HNRNPK: variants seen among roughly 807,000 people sequenced by gnomAD.
The protein encoded by HNRNPK is dC-stretch binding protein.
A neutral mutation model predicts 67.0 loss-of-function variants in HNRNPK; 7 were observed. The observed-to-expected ratio is 0.10, with a 90% confidence interval of 0.06 to 0.20. The LOEUF (loss-of-function observed/expected upper bound fraction) is 0.20, where lower values mean the gene tolerates loss of function less well. Among genes scored for constraint, HNRNPK ranks in the 10% least tolerant of loss-of-function variants. HNRNPK has a pLI of 1.00. For missense variants in HNRNPK, 264 were observed against 606.5 expected (o/e 0.44, Z 5.93); for synonymous variants, 213 against 193.7 (o/e 1.10, Z -0.83).
In HNRNPK at chr9:83,977,674, G is replaced by A; in HGVS notation, c.156+15C>T. ...GTATGAACCACCTTCAAATTTTCAA[G>A]AATAAAATTTATACCTTGCTCTGAA... is the stretch of plus-strand genomic sequence containing the variant. On this transcript the variant is annotated intron_variant, in intron 4 of 16. Coordinates refer to ENST00000376263, the MANE Select transcript of HNRNPK (RefSeq NM_031263.4). 6.6e-7 allele frequency: 1 copy of A among 1,516,442 alleles called. No individual in the cohort carries two copies. Among genetic ancestry groups the A allele is most frequent in the Non-Finnish European group, 9.1e-7 (1 of 1,100,780 alleles). The allele number at this position is 1,516,442 out of a possible 1,614,324, so 93.9% of individuals were successfully genotyped here.
intron 5 of HNRNPK, 177 bp downstream of exon 5, chr9:83,976,818 T>C: frequency 2.2e-6 from 1 of 449,460 alleles, no homozygotes; most frequent in East Asian, 3.4e-5. Flanking sequence ...CCCTGCTCAA[T>C]CTGGGCTTTT....
At chr9:83,975,567 G>T in intron 5 of HNRNPK, 62 bp from the exon 6 acceptor site, 1 of 1,348,394 alleles carries the variant, frequency 7.4e-7, no homozygotes, top group Non-Finnish European at 1.1e-6. Context: ...ATCAGAAGTT[G>T]TCAAGTATGG....
chr9:83,973,880 G>T, intron 8 of HNRNPK, 22 bp downstream of exon 8: 7 of 1,589,420 alleles, frequency 4.4e-6, no homozygotes, highest in Non-Finnish European at 6.0e-6. Flanking sequence ...CTTCAGTGGG[G>T]TTCAATGGCA....
intron 9 of HNRNPK, 22 bp downstream of exon 9, chr9:83,973,264 G>C: frequency 1.5e-6 from 2 of 1,297,496 alleles, no homozygotes; most frequent in South Asian, 2.4e-5. Flanking sequence ...CAAAGAATAC[G>C]GCAGAATTTT....
chr9:83,968,328 AG>A lies in HNRNPK; in HGVS notation c.*1078del, dbSNP rs1223571664. On this transcript the variant is annotated 3_prime_UTR_variant, in exon 17 of 17. Transcript: ENST00000376263. ...TTTCCTACATAATCCAACATACAAC[AG>A]AGAAATGGTACATCTTTTTCTTTCA... 9 of 152,416 alleles carry A rather than the reference AG, an allele frequency of 5.9e-5. No individual in the cohort carries two copies. Among genetic ancestry groups the A allele is most frequent in the Non-Finnish European group, 1.5e-5 (1 of 68,008 alleles). The allele number at this position is 152,416 out of a possible 1,614,324, so 9.4% of individuals were successfully genotyped here.
intron 16 of HNRNPK, 101 bp downstream of exon 16, chr9:83,970,061 T>G: frequency 2.1e-6 from 2 of 940,270 alleles, no homozygotes; most frequent in Non-Finnish European, 3.2e-6. Flanking sequence ...CCCAAAAGGT[T>G]GAGACACCAT....
At chr9:83,979,645 G>A (rs985823535) in intron 1 of HNRNPK, among the ~76,000 whole-genome samples, 1 of 152,164 alleles carries the variant, frequency 6.6e-6, no homozygotes. Flanking sequence ...CCGCGTAATG[G>A]CGACTACGTG....
chr9:83,976,850 T>G (rs1484780672), intron 5 of HNRNPK, 145 bp downstream of exon 5: 2 of 538,378 alleles, frequency 3.7e-6, no homozygotes, highest in Non-Finnish European at 6.4e-6. Flanking sequence ...AATGGATAAC[T>G]TCGAAATCAA....
chr9:83,975,726 C>A (rs1348994078), intron 5 of HNRNPK: 5 of 599,360 alleles, frequency 8.3e-6, no homozygotes, highest in African/African-American at 1.9e-5. Flanking sequence ...GCCAAAAAAA[C>A]AAGGAGAGGG....
chr9:83,977,876 G>T, intron 3 of HNRNPK, 90 bp from the exon 4 acceptor site: 1 of 830,534 alleles, frequency 1.2e-6, no homozygotes, highest in Non-Finnish European at 2.0e-6. Flanking sequence ...CTAATCTTAG[G>T]CATGTTTTGA....
intron 7 of HNRNPK, 83 bp from the exon 8 acceptor site, chr9:83,974,056 A>T: frequency 1.3e-6 from 1 of 789,200 alleles, no homozygotes; most frequent in South Asian, 1.6e-5. Context: ...AGCTACTACA[A>T]CATATTTTAA....
chr9:83,970,604 AC>A (rs1588411658), intron 15 of HNRNPK, 132 bp downstream of exon 15: 1 of 703,960 alleles, frequency 1.4e-6, no homozygotes, highest in East Asian at 2.7e-5. Context: ...AACCCAGCTC[AC>A]TAAAGCCCAT....
At chr9:83,973,230 T>C in intron 9 of HNRNPK, 56 bp downstream of exon 9, 2 of 1,008,198 alleles carry the variant, frequency 2.0e-6, no homozygotes, top group South Asian at 2.6e-5. Context: ...CAGAAACAAG[T>C]CTATATGAAA....
chr9:83,972,113 A>G lies in HNRNPK; in HGVS notation c.722T>C (p.Met241Thr). 3 of 1,613,908 alleles carry G rather than the reference A, an allele frequency of 1.9e-6. No homozygotes were observed. The highest frequency in any genetic ancestry group is 2.5e-6 in the Non-Finnish European group (3 of 1,179,830). ...GCGTCCGCGACGGTCATCAAACATC[A>G]TTGTAAAACCACCATAATCATAGGT... ...DETYDYGGFT[M>T]MFDDRRGRPV... Residue 241 changes from methionine to threonine, a missense_variant, in exon 11 of 17, where the codon ATG becomes ACG. By Grantham distance (81) the Met-to-Thr change is moderately conservative (BLOSUM62 -1). Transcript: ENST00000376263.
chr9:83,979,512 C>T (rs1957257798), intron 1 of HNRNPK, among the ~76,000 whole-genome samples: 1 of 152,238 alleles, frequency 6.6e-6, no homozygotes, highest in African/African-American at 2.4e-5. Flanking sequence ...GCCAACGCGC[C>T]CTCCCCTCCC....
chr9:83,976,770 T>A lies in HNRNPK; in HGVS notation c.213+225A>T, dbSNP rs1564068100. On this transcript the variant is annotated intron_variant, in intron 5 of 16. Coordinates refer to ENST00000376263, the MANE Select transcript of HNRNPK (RefSeq NM_031263.4). The stretch of plus-strand genomic sequence containing the variant: ...AAGTGAATAATTTGGTGGACTCTTA[T>A]TAAAATGTGAAGAGGTTTGAAAGAA... The A allele has an allele frequency of 2.8e-5, 11 of 387,548 alleles. No individual in the cohort carries two copies. The East Asian group carries it at 4.1e-4, about 14-fold the overall frequency. 24.0% of individuals were successfully genotyped at this position (387,548 alleles called of 1,614,324 possible).
intron 13 of HNRNPK, 130 bp downstream of exon 13, chr9:83,971,143 T>C: frequency 1.2e-6 from 1 of 824,724 alleles, no homozygotes; most frequent in East Asian, 2.4e-5. Flanking sequence ...AAAATCCCTC[T>C]TCAGGAAACC....
At chr9:83,969,494 TAATC>T (rs563631821) in intron 16 of HNRNPK, 54 bp from the exon 17 acceptor site, 149 of 1,068,036 alleles carry the variant, frequency 1.4e-4, no homozygotes, top group African/African-American at 3.3e-4. Context: ...CGTAACATCT[TAATC>T]AACATCAAGA....
At chr9:83,969,955 C>T in intron 16 of HNRNPK, 1 of 656,152 alleles carries the variant, frequency 1.5e-6, no homozygotes, top group Non-Finnish European at 2.8e-6. Context: ...TTGGTTAAGG[C>T]TTCTTCCAGC....
Sources: gnomAD v4.1 joint callset for allele counts (sites outside exome capture counted in the v4.1 genomes callset) on GRCh38, gnomAD v4.1.1 for gene constraint, MANE v1.5 for transcripts, NCBI Gene and HGNC (gene_info 2026-07-23, HGNC 2026-07-21) for gene names.